The following PLD1 variants were observed in gnomAD, a reference collection of about 807,000 sequenced individuals.
The protein encoded by PLD1 is phospholipase D1, also known as choline phosphatase 1.
In PLD1, 112 loss-of-function variants were observed where a neutral mutation model predicts 137.1. The ratio of observed to expected loss-of-function variants is 0.82; its 90% CI spans 0.70 to 0.96. PLD1 has a LOEUF of 0.96. Among genes scored for constraint, PLD1 ranks in the 40% least tolerant of loss-of-function variants. The pLI, the probability that PLD1 is intolerant of heterozygous loss-of-function variation, is 0.00. For missense variants in PLD1, 1,321 were observed against 1,342.0 expected (o/e 0.98, Z 0.24); for synonymous variants, 431 against 454.7 (o/e 0.95, Z 0.66).
chr3:171,788,590 A>C (rs1723102104), intron 1 of PLD1: 1 of 151,794 alleles, frequency 6.6e-6, no homozygotes, highest in African/African-American at 2.4e-5. Context: ...ACAAGGTAAC[A>C]AACTTTTATT....
chr3:171,738,334 C>T (rs1051171663), intron 1 of PLD1, among the ~76,000 whole-genome samples: 2 of 150,316 alleles, frequency 1.3e-5, no homozygotes, highest in Non-Finnish European at 3.0e-5. Context: ...AGCAACACCA[C>T]ATTGAATGCC....
intron 1 of PLD1, among the ~76,000 whole-genome samples, chr3:171,758,212 T>C (rs1721158558): frequency 6.6e-6 from 1 of 152,234 alleles, no homozygotes; most frequent in Non-Finnish European, 1.5e-5. Flanking sequence ...ATTTTCATAT[T>C]ATTTGCATGT....
intron 4 of PLD1, 29 bp downstream of exon 4, chr3:171,735,463 A>G (rs762910614): frequency 6.3e-7 from 1 of 1,592,866 alleles, no homozygotes; most frequent in South Asian, 1.1e-5. Context: ...CAACTTGTAT[A>G]CTGGCATAAT....
Position 171,737,892 on chromosome 3 carries a change from C to T in PLD1, c.160G>A (p.Val54Met), listed in dbSNP as rs1578386556. ...CCCCGCTCAGATCATCCGTCTTTAC[C>T]TTCTTGTATCTTGGGATCGCTGGGA... ...VSPSDPKIQE[V>M]YIPFSAIYNT... The change falls in exon 2 of 27, where the codon GTG (valine) becomes ATG (methionine). Residue 54 changes from valine to methionine, a missense_variant and splice_region_variant. Val to Met is a conservative substitution (Grantham distance 21, BLOSUM62 1). Transcript: ENST00000351298. 6.2e-7 allele frequency: 1 copy of T among 1,612,930 alleles called. No individual in the cohort carries two copies.
chr3:171,757,917 A>T (rs934406067), intron 1 of PLD1, among the ~76,000 whole-genome samples: 1 of 152,190 alleles, frequency 6.6e-6, no homozygotes, highest in Non-Finnish European at 1.5e-5. Context: ...ATAGCTACCC[A>T]ATATAAGAAA....
At chr3:171,797,539 T>C (rs556823687) in intron 1 of PLD1, among the ~76,000 whole-genome samples, 1 of 152,178 alleles carries the variant, frequency 6.6e-6, no homozygotes, top group African/African-American at 2.4e-5. Context: ...TGGTGCACAG[T>C]AGAGTGTGAG....
At chr3:171,653,920 C>A in intron 21 of PLD1, 1 of 227,764 alleles carries the variant, frequency 4.4e-6, no homozygotes, top group Non-Finnish European at 8.9e-6. Context: ...CTGTGGATAA[C>A]AGAGCTGGAG....
At position 171,699,821 on chromosome 3, in the gene PLD1, C is replaced by T; in HGVS notation, c.1151G>A (p.Ser384Asn). 1.2e-6 allele frequency: 2 copies of T among 1,612,732 alleles called. No individual in the cohort carries two copies. The highest frequency in any genetic ancestry group is 1.7e-6 in the Non-Finnish European group (2 of 1,178,828). Residue 384 changes from serine (S) to asparagine (N), a missense_variant, in exon 12 of 27, where the codon AGT becomes AAT. Physicochemically the swap from Ser to Asn is conservative, Grantham distance 46 (BLOSUM62 1). Coordinates refer to ENST00000351298, the MANE Select transcript of PLD1 (RefSeq NM_002662.5). ...TGGGCGTTTCAGGAAGATTTCTGGA[C>T]TCAGCCTGAAACAATGAAACCAAGA... is the stretch of plus-strand genomic sequence containing the variant. Reference protein sequence around the residue: ...EEIFITDWWLSPEIFLKRPVV... With the variant: ...EEIFITDWWLNPEIFLKRPVV...
chr3:171,795,578 T>C (rs1171417228), intron 1 of PLD1, among the ~76,000 whole-genome samples: 1 of 152,144 alleles, frequency 6.6e-6, no homozygotes, highest in African/African-American at 2.4e-5. Context: ...CCTATCATCA[T>C]AGGGTGGGTC....
chr3:171,690,363 G>A (rs1250200054), intron 13 of PLD1, among the ~76,000 whole-genome samples: 2 of 151,796 alleles, frequency 1.3e-5, no homozygotes, highest in Non-Finnish European at 2.9e-5. Flanking sequence ...ATTTCCCACT[G>A]CTCCAATCTT....
At chr3:171,622,328 A>C (rs1733709770) in intron 23 of PLD1, among the ~76,000 whole-genome samples, 1 of 152,234 alleles carries the variant, frequency 6.6e-6, no homozygotes, top group African/African-American at 2.4e-5. Context: ...AGCGGAAATC[A>C]ATTCAGTAAG....
intron 12 of PLD1, among the ~76,000 whole-genome samples, chr3:171,692,717 C>T (rs777246236): frequency 3.9e-5 from 6 of 152,050 alleles, no homozygotes; most frequent in South Asian, 2.1e-4. Context: ...GACAGGATTT[C>T]GCCATGTTGG....
Position 171,659,271 on chromosome 3 carries a change from TG to T in PLD1, c.2370del (p.Asp790GlufsTer8). On this transcript the variant is annotated frameshift_variant, in exon 21 of 27. Coordinates refer to ENST00000351298, the MANE Select transcript of PLD1 (RefSeq NM_002662.5). LOFTEE classifies it high-confidence loss of function. ...ENQFFISCAD[D>X]KVVFNKIGDA... The stretch of plus-strand genomic sequence containing the variant: ...TCGCCTATCTTGTTGAACACAACTT[TG>T]TCATCAGCACAGCTTATGAAAAACT... 3 of 1,613,548 alleles carry T rather than the reference TG, an allele frequency of 1.9e-6. No individual in the cohort carries two copies. The highest frequency in any genetic ancestry group is 2.5e-6 in the Non-Finnish European group (3 of 1,179,406).
At chr3:171,655,527 T>G (rs570297730) in intron 21 of PLD1, among the ~76,000 whole-genome samples, 1 of 152,040 alleles carries the variant, frequency 6.6e-6, no homozygotes, top group Non-Finnish European at 1.5e-5. Context: ...TCTGGATAAT[T>G]TTTTATTTTT....
At chr3:171,720,260 C>CTCCAGCCT (rs1450029948) in intron 8 of PLD1, among the ~76,000 whole-genome samples, 1 of 146,264 alleles carries the variant, frequency 6.8e-6, no homozygotes, top group African/African-American at 2.6e-5. Context: ...TACCACTGCA[C>CTCCAGCCT]TCCAGCCTTG....
chr3:171,729,027 A>G (rs1174712434), intron 6 of PLD1, among the ~76,000 whole-genome samples: 2 of 152,218 alleles, frequency 1.3e-5, no homozygotes, highest in Non-Finnish European at 2.9e-5. Flanking sequence ...CTAACTAATA[A>G]AAATTGAAAT....
intron 1 of PLD1, among the ~76,000 whole-genome samples, chr3:171,784,404 G>A (rs1230408922): frequency 6.6e-6 from 1 of 151,442 alleles, no homozygotes; most frequent in Non-Finnish European, 1.5e-5. Context: ...ACGTGTTCAG[G>A]CATTCAGAAT....
intron 11 of PLD1, among the ~76,000 whole-genome samples, chr3:171,705,226 C>G (rs1250998562): frequency 1.3e-5 from 2 of 152,056 alleles, no homozygotes; most frequent in Non-Finnish European, 1.5e-5. Flanking sequence ...GAGGAAAGTT[C>G]AGAAAAAATG....
chr3:171,673,577 A>G (rs945206423), intron 19 of PLD1, among the ~76,000 whole-genome samples: 1 of 152,074 alleles, frequency 6.6e-6, no homozygotes, highest in Non-Finnish European at 1.5e-5. Flanking sequence ...GGCCTTTTTT[A>G]AAAAAAGTTC....
Sources: allele counts gnomAD v4.1 joint callset (sites outside exome capture counted in the v4.1 genomes callset), GRCh38; gene constraint gnomAD v4.1.1; transcripts MANE v1.5; gene names NCBI Gene and HGNC (gene_info 2026-07-23, HGNC 2026-07-21).